The following CDH3 variants were observed in gnomAD, a reference collection of about 807,000 sequenced individuals.
CDH3 encodes cadherin 3.
A neutral mutation model predicts 82.0 loss-of-function variants in CDH3; 54 were observed. That is an observed-to-expected ratio of 0.66 (90% confidence interval 0.53 to 0.83). The LOEUF is 0.83. CDH3 is among the 40% of genes least tolerant of loss of function. The pLI, the probability that CDH3 is intolerant of heterozygous loss-of-function variation, is 0.00. For synonymous variants in CDH3, 446 were observed against 437.9 expected (o/e 1.02, Z -0.23); for missense variants, 1,054 against 1,084.6 (o/e 0.97, Z 0.40).
At chr16:68,698,164 C>T (rs1330855385) in intron 15 of CDH3, 27 bp from the exon 16 acceptor site, 2 of 1,612,900 alleles carry the variant, frequency 1.2e-6, no homozygotes, top group Non-Finnish European at 1.7e-6. Flanking sequence ...CCCGCCGCTC[C>T]TAACTACCTG....
At chr16:68,710,101 A>T (rs938999976) in intron 1 of CDH3, among the ~76,000 whole-genome samples, 5 of 152,202 alleles carry the variant, frequency 3.3e-5, no homozygotes, top group African/African-American at 1.2e-4. Context: ...GAAGGAACCC[A>T]CAGGAGATGG....
downstream of CDH3, among the ~76,000 whole-genome samples, chr16:68,729,423 A>G (rs1352782707): frequency 6.6e-6 from 1 of 152,198 alleles, no homozygotes; most frequent in Non-Finnish European, 1.5e-5. Flanking sequence ...AAATAGAAAC[A>G]AACAAAGGAT....
rs1473230890 is a variant in CDH3 at position 68,681,829 on chromosome 16, CTG to C, written c.997-471_997-470del. Among the ~76,000 whole-genome samples, 3 of 152,062 alleles carry C rather than the reference CTG, an allele frequency of 2.0e-5. No homozygotes were observed. In the South Asian group the frequency reaches 6.2e-4, roughly 32 times the overall value. On this transcript the variant is annotated intron_variant, in intron 8 of 15. Transcript: ENST00000264012. The stretch of plus-strand genomic sequence containing the variant: ...CTCCAGCCTGAGCGGCAGACTGAGA[CTG>C]TCTAAAAAAATAAAATAAAAATAAA...
downstream of CDH3, among the ~76,000 whole-genome samples, chr16:68,700,590 G>C (rs1229329997): frequency 2.0e-5 from 3 of 152,218 alleles, no homozygotes; most frequent in African/African-American, 7.2e-5. Flanking sequence ...GATCACTTGA[G>C]GTCAGGGGTT....
rs543735028 is a variant in CDH3 at position 68,685,021 on chromosome 16, T to C, written c.1425-184T>C. ...GGGGCAGGTATTTCTCACTCTGTCATGTATCCCTCCTGGGACTCCTGCACC... is the reference window on the plus strand; with the variant it reads ...GGGGCAGGTATTTCTCACTCTGTCACGTATCCCTCCTGGGACTCCTGCACC... On this transcript the variant is annotated intron_variant, in intron 10 of 15. Transcript: ENST00000264012. Among the ~76,000 whole-genome samples the C allele has an allele frequency of 1.4e-4, 21 of 152,324 alleles. 1 individual carries two copies. Among genetic ancestry groups the C allele is most frequent in the African/African-American group, 4.8e-4 (20 of 41,570 alleles).
At chr16:68,686,197 G>A (rs1231425536) in intron 11 of CDH3, among the ~76,000 whole-genome samples, 3 of 152,162 alleles carry the variant, frequency 2.0e-5, no homozygotes, top group South Asian at 2.1e-4. Context: ...CCCAGTTCCC[G>A]CATCAGTGGC....
At chr16:68,679,248 C>T (rs1432526097) in intron 6 of CDH3, among the ~76,000 whole-genome samples, 1 of 152,230 alleles carries the variant, frequency 6.6e-6, no homozygotes, top group East Asian at 1.9e-4. Context: ...CCTCACTTCT[C>T]ACATCTAAAA....
At chr16:68,650,820 C>A (rs993726682) in intron 2 of CDH3, among the ~76,000 whole-genome samples, 1 of 152,088 alleles carries the variant, frequency 6.6e-6, no homozygotes, top group African/African-American at 2.4e-5. Context: ...AACCCCTTCC[C>A]CCACAGCCTG....
In CDH3 at chr16:68,695,372, G is replaced by T. The variant is rs968768524; in HGVS notation, c.2120G>T (p.Gly707Val). The T allele has an allele frequency of 2.5e-6, 4 of 1,611,978 alleles. No individual in the cohort carries two copies. Among genetic ancestry groups the T allele is most frequent in the Non-Finnish European group, 3.4e-6 (4 of 1,179,162 alleles). ...NVFYYGEEGGGEEDQDYDITQ... is the reference protein window; with the variant it reads ...NVFYYGEEGGVEEDQDYDITQ... ...TTCTACTATGGCGAAGAGGGGGGTG[G>T]CGAAGAGGACCAGGTGGGGCACTGG... Residue 707 changes from glycine to valine, a missense_variant, in exon 14 of 16, where the codon GGC (glycine) becomes GTC (valine). Gly to Val is a moderately radical substitution (Grantham distance 109). Coordinates refer to ENST00000264012, the MANE Select transcript of CDH3 (RefSeq NM_001793.6).
intron 2 of CDH3, among the ~76,000 whole-genome samples, chr16:68,665,520 A>C (rs556530653): frequency 6.6e-6 from 1 of 152,280 alleles, no homozygotes; most frequent in East Asian, 1.9e-4. Context: ...AGCAGCAATA[A>C]ATGGCTTACA....
rs762408071 is a variant in CDH3 at position 68,698,217 on chromosome 16, C to T, written c.2307C>T (p.Pro769=). The change falls in exon 16 of 16, where the codon CCC becomes CCT. Residue 769 remains proline, a synonymous_variant. Transcript: ENST00000264012. ...ACCTGAAGGCGGCTAACACAGACCC[C>T]ACAGCCCCGCCCTACGACACCCTCT... is the stretch of plus-strand genomic sequence containing the variant. ...IENLKAANTD[P]TAPPYDTLLV... The T allele has an allele frequency of 6.2e-7, 1 of 1,614,248 alleles. No homozygotes were observed. Among genetic ancestry groups the T allele is most frequent in the East Asian group, 2.2e-5 (1 of 44,890 alleles).
At position 68,695,790 on chromosome 16, in the gene CDH3, C is replaced by T. The variant is rs546660583; in HGVS notation, c.2147C>T (p.Thr716Ile). ...GGEEDQDYDI[T>I]QLHRGLEARP... ...ATTTCCCCACAGGACTATGACATCA[C>T]CCAGCTCCACCGAGGTCTGGAGGCC... Residue 716 changes from threonine (T) to isoleucine (I), a missense_variant, in exon 15 of 16, where the codon ACC (threonine) becomes ATC (isoleucine). Transcript: ENST00000264012. The T allele has an allele frequency of 3.1e-6, 5 of 1,614,124 alleles. No homozygotes were observed. The highest frequency in any genetic ancestry group is 3.3e-5 in the Admixed American group (2 of 60,012).
At chr16:68,678,467 T>C in intron 4 of CDH3, 34 bp from the exon 5 acceptor site, 1 of 1,613,996 alleles carries the variant, frequency 6.2e-7, no homozygotes, top group South Asian at 1.1e-5. Flanking sequence ...GGATATTTGT[T>C]ACTTTGTCAG....
downstream of CDH3, among the ~76,000 whole-genome samples, chr16:68,731,047 A>AAAATAT (rs1962279500): frequency 7.6e-5 from 2 of 26,346 alleles, no homozygotes; most frequent in African/African-American, 2.8e-4. Flanking sequence ...AAAAAAAAAA[A>AAAATAT]ATATATATAT....
chr16:68,658,180 G>A (rs949077774), intron 2 of CDH3, among the ~76,000 whole-genome samples: 1 of 151,148 alleles, frequency 6.6e-6, no homozygotes, highest in African/African-American at 2.4e-5. Flanking sequence ...TTTCCTGTGT[G>A]AGCCATCATT....
downstream of CDH3, among the ~76,000 whole-genome samples, chr16:68,728,234 C>T (rs1057479314): frequency 2.0e-5 from 3 of 152,092 alleles, no homozygotes; most frequent in Admixed American, 2.0e-4. Flanking sequence ...GGCACGATCT[C>T]GGCTCACTGC....
chr16:68,662,429 A>C (rs1335648827), intron 2 of CDH3, among the ~76,000 whole-genome samples: 1 of 152,086 alleles, frequency 6.6e-6, no homozygotes, highest in Non-Finnish European at 1.5e-5. Flanking sequence ...GTAAACAGTC[A>C]CTGCTCTCCA....
At chr16:68,725,470 A>T (rs1962209616) in intron 2 of CDH3, among the ~76,000 whole-genome samples, 1 of 151,768 alleles carries the variant, frequency 6.6e-6, no homozygotes, top group South Asian at 2.1e-4. Flanking sequence ...AGTAGCTGGG[A>T]CTACAGGCGC....
At chr16:68,663,470 G>A (rs1013477353) in intron 2 of CDH3, among the ~76,000 whole-genome samples, 3 of 151,760 alleles carry the variant, frequency 2.0e-5, no homozygotes, top group South Asian at 2.1e-4. Context: ...TCCTGACCCC[G>A]AGATCCACCC....
Sources: allele counts gnomAD v4.1 joint callset (sites outside exome capture counted in the v4.1 genomes callset), GRCh38; gene constraint gnomAD v4.1.1; transcripts MANE v1.5; gene names NCBI Gene and HGNC (gene_info 2026-07-23, HGNC 2026-07-21).